Variants in ATG16L1 observed in about 807,000 individuals in gnomAD.
The protein encoded by ATG16L1 is autophagy related 16 like 1, also known as autophagy-related protein 16-1.
A neutral mutation model predicts 88.5 loss-of-function variants in ATG16L1; 37 were observed. The ratio of observed to expected loss-of-function variants is 0.42; its 90% CI spans 0.32 to 0.55. The LOEUF (loss-of-function observed/expected upper bound fraction) is 0.55, where lower values mean the gene tolerates loss of function less well. Ranked by LOEUF, ATG16L1 falls within the 20% of genes least tolerant of loss-of-function variation. The pLI, the probability that ATG16L1 is intolerant of heterozygous loss-of-function variation, is 0.13. For missense variants in ATG16L1, 554 were observed against 752.8 expected, an observed-to-expected ratio of 0.74 and a Z score of 3.09; for synonymous variants, 301 against 281.0, an observed-to-expected ratio of 1.07 and a Z score of -0.71.
At position 233,251,854 on chromosome 2, in the gene ATG16L1, C is replaced by G. The variant is rs1289788345; in HGVS notation, c.27C>G (p.Asp9Glu). ...TGTCGTCGGGCCTCCGCGCCGCTGACTTCCCCCGCTGGAAGCGCCACATCT... is the reference window on the plus strand; with the variant it reads ...TGTCGTCGGGCCTCCGCGCCGCTGAGTTCCCCCGCTGGAAGCGCCACATCT... MSSGLRAA[D>E]FPRWKRHISE... The change falls in exon 1 of 18, where the codon GAC becomes GAG. Residue 9 changes from aspartate to glutamate, a missense_variant. By Grantham distance (45) the Asp-to-Glu change is conservative. Transcript: ENST00000392017. The G allele has an allele frequency of 6.5e-7, 1 of 1,550,106 alleles. No homozygotes were observed. Among genetic ancestry groups the G allele is most frequent in the Non-Finnish European group, 8.7e-7 (1 of 1,147,068 alleles).
At chr2:233,274,626 A>G in intron 8 of ATG16L1, 50 bp from the exon 9 acceptor site, 1 of 1,431,218 alleles carries the variant, frequency 7.0e-7, no homozygotes, top group Admixed American at 1.7e-5. Flanking sequence ...TTTGATGAGC[A>G]GTAAACCTCT....
intron 10 of ATG16L1, among the ~76,000 whole-genome samples, chr2:233,278,701 A>G (rs557519369): frequency 6.6e-6 from 1 of 152,302 alleles, no homozygotes; most frequent in East Asian, 1.9e-4. Context: ...TCTTAGGGGT[A>G]CTGCTTTTAA....
At chr2:233,290,684 C>T (rs1042311958) in intron 14 of ATG16L1, among the ~76,000 whole-genome samples, 2 of 152,152 alleles carry the variant, frequency 1.3e-5, no homozygotes, top group Non-Finnish European at 2.9e-5. Context: ...GAAGTGGAGG[C>T]AGCTACGTTT....
intron 2 of ATG16L1, among the ~76,000 whole-genome samples, chr2:233,256,992 G>A (rs996945232): frequency 1.8e-4 from 28 of 151,446 alleles, no homozygotes; most frequent in African/African-American, 5.8e-4. Context: ...GTGAGCCACC[G>A]CACTGGCCAG....
At chr2:233,282,509 G>A (rs1178826454) in intron 11 of ATG16L1, among the ~76,000 whole-genome samples, 173 bp from the exon 12 acceptor site, 1 of 152,174 alleles carries the variant, frequency 6.6e-6, no homozygotes, top group Non-Finnish European at 1.5e-5. Flanking sequence ...GTCTGAACTC[G>A]AAGGAGACTG....
At chr2:233,291,098 T>G (rs1169747757) in intron 14 of ATG16L1, among the ~76,000 whole-genome samples, 1 of 152,052 alleles carries the variant, frequency 6.6e-6, no homozygotes, top group Non-Finnish European at 1.5e-5. Context: ...CAGGGCTTAT[T>G]GACAGGTTGG....
intron 12 of ATG16L1, among the ~76,000 whole-genome samples, chr2:233,286,621 C>CT (rs10676895): frequency 0.021 from 1,945 of 93,282 alleles, 126 homozygotes; most frequent in African/African-American, 0.069. Context: ...GAAGCCCAAA[C>CT]TTTTTTTTTT....
intron 2 of ATG16L1, among the ~76,000 whole-genome samples, chr2:233,258,025 A>G (rs1464490529): frequency 1.9e-5 from 1 of 52,038 alleles, no homozygotes; most frequent in Non-Finnish European, 6.5e-5. Context: ...AAATATCTAT[A>G]TATCTATATA....
chr2:233,253,340 GTTTTT>G (rs56151049), intron 1 of ATG16L1, among the ~76,000 whole-genome samples: 1 of 108,660 alleles, frequency 9.2e-6, no homozygotes, highest in African/African-American at 3.6e-5. Flanking sequence ...GGGTTTTTTT[GTTTTT>G]TTTTTTTTTT....
intron 5 of ATG16L1, among the ~76,000 whole-genome samples, chr2:233,268,045 A>T (rs1187037992): frequency 1.3e-5 from 2 of 152,174 alleles, no homozygotes; most frequent in East Asian, 3.8e-4. Flanking sequence ...TGCTTCAGGC[A>T]GCTGTGGTTT....
Position 233,292,261 on chromosome 2 carries a change from A to G in ATG16L1, c.1564A>G (p.Ile522Val), listed in dbSNP as rs774012550. Residue 522 changes from isoleucine to valine, a missense_variant, in exon 15 of 18, where the codon ATC becomes GTC. Coordinates refer to ENST00000392017, the MANE Select transcript of ATG16L1 (RefSeq NM_030803.7). Reference protein sequence around the residue: ...LKVIDLRTNAIKQTFSAPGFK... With the variant: ...LKVIDLRTNAVKQTFSAPGFK... The stretch of plus-strand genomic sequence containing the variant: ...AGTTATTGATCTCCGAACAAATGCT[A>G]TCAAGCAGACATTCAGGTAACTGAA... The G allele has an allele frequency of 1.5e-5, 25 of 1,614,122 alleles. No homozygotes were observed. Among genetic ancestry groups the G allele is most frequent in the East Asian group, 6.7e-5 (3 of 44,898 alleles).
chr2:233,262,062 G>C (rs1290151096), intron 2 of ATG16L1, among the ~76,000 whole-genome samples: 1 of 152,156 alleles, frequency 6.6e-6, no homozygotes, highest in Admixed American at 6.5e-5. Context: ...TCCAAAACCT[G>C]CTCCTCCCAC....
At position 233,272,951 on chromosome 2, in the gene ATG16L1, T is replaced by G. The variant is rs1397391798; in HGVS notation, c.708-15T>G. The G allele has an allele frequency of 1.9e-6, 3 of 1,604,996 alleles. No individual in the cohort carries two copies. The highest frequency in any genetic ancestry group is 2.6e-6 in the Non-Finnish European group (3 of 1,171,684). On this transcript the variant is annotated splice_polypyrimidine_tract_variant and intron_variant, in intron 6 of 17. Transcript: ENST00000392017. Reference sequence around the variant, plus strand: ...TGTTCAGGAGAATCAAAGAATGTCTTGCCTTTCTTTCCAGGGATGATGACA... The same window carrying G: ...TGTTCAGGAGAATCAAAGAATGTCTGGCCTTTCTTTCCAGGGATGATGACA...
At chr2:233,285,018 A>C (rs1368268380) in intron 12 of ATG16L1, among the ~76,000 whole-genome samples, 1 of 152,238 alleles carries the variant, frequency 6.6e-6, no homozygotes, top group African/African-American at 2.4e-5. Context: ...TCTTGTCTTA[A>C]TGACGGACTA....
At chr2:233,291,751 C>T (rs1457037633) in intron 14 of ATG16L1, among the ~76,000 whole-genome samples, 1 of 152,212 alleles carries the variant, frequency 6.6e-6, no homozygotes, top group African/African-American at 2.4e-5. Context: ...ACAAGGCAGC[C>T]CAGGCCCACT....
At chr2:233,288,384 C>T (rs1053094853) in intron 12 of ATG16L1, among the ~76,000 whole-genome samples, 4 of 152,184 alleles carry the variant, frequency 2.6e-5, no homozygotes, top group Admixed American at 6.5e-5. Flanking sequence ...TGGGCTCAAG[C>T]AGTCCTCTCA....
rs187825991 is a variant in ATG16L1, at chr2:233,284,962, C to T, written c.1203+2209C>T. On this transcript the variant is annotated intron_variant, in intron 12 of 17. Transcript: ENST00000392017. ...AGGTCCGAACATGCAAAATAACGAGCCCTGACGATGACAAGGACATGTTGT... is the reference window on the plus strand; with the variant it reads ...AGGTCCGAACATGCAAAATAACGAGTCCTGACGATGACAAGGACATGTTGT... Among the ~76,000 whole-genome samples, 196 of 152,290 alleles carry T rather than the reference C, an allele frequency of 1.3e-3. 2 individuals are homozygous for T. The highest frequency in any genetic ancestry group is 4.2e-3 in the African/African-American group (175 of 41,560).
intron 12 of ATG16L1, among the ~76,000 whole-genome samples, chr2:233,287,668 A>G (rs1407754490): frequency 1.3e-5 from 2 of 152,360 alleles, no homozygotes; most frequent in African/African-American, 2.4e-5. Context: ...ACTTGAAGTC[A>G]GGAATTCAAG....
At chr2:233,286,827 G>A (rs912172980) in intron 12 of ATG16L1, among the ~76,000 whole-genome samples, 6 of 151,444 alleles carry the variant, frequency 4.0e-5, no homozygotes, top group South Asian at 4.2e-4. Flanking sequence ...AGATTTCACC[G>A]TGTTAGCCAG....
Sources: gnomAD v4.1 joint callset for allele counts (sites outside exome capture counted in the v4.1 genomes callset) on GRCh38, gnomAD v4.1.1 for gene constraint, MANE v1.5 for transcripts, NCBI Gene and HGNC (gene_info 2026-07-23, HGNC 2026-07-21) for gene names.